The following MAF variants were observed in gnomAD, a reference collection of about 807,000 sequenced individuals.
MAF encodes MAF bZIP transcription factor.
A neutral mutation model predicts 22.0 loss-of-function variants in MAF; 10 were observed. The observed-to-expected ratio is 0.45, with a 90% CI of 0.28 to 0.77. The LOEUF is 0.77. Among genes scored for constraint, MAF ranks in the 30% least tolerant of loss-of-function variants. The pLI, the probability that MAF is intolerant of heterozygous loss-of-function variation, is 0.12. For missense variants in MAF, 544 were observed against 548.4 expected (o/e 0.99, Z 0.08); for synonymous variants, 337 against 255.8 (o/e 1.32, Z -3.03).
the MAF span, among the ~76,000 whole-genome samples, chr16:79,542,073 T>C: frequency 1.3e-5 from 2 of 152,222 alleles, no homozygotes; most frequent in African/African-American, 2.4e-5. Flanking sequence ...CCAGTTCTCC[T>C]GACTCCAAGC....
chr16:79,357,484 C>A, the MAF span, among the ~76,000 whole-genome samples: 1 of 152,018 alleles, frequency 6.6e-6, no homozygotes. Flanking sequence ...TTTTTGGGTC[C>A]CTGAAAGTCT....
At chr16:79,410,551 G>A in the MAF span, among the ~76,000 whole-genome samples, 1 of 152,174 alleles carries the variant, frequency 6.6e-6, no homozygotes, top group Non-Finnish European at 1.5e-5. Flanking sequence ...ATATGTGGAA[G>A]GAAATACAAA....
intron 1 of MAF, among the ~76,000 whole-genome samples, chr16:79,587,737 A>G (rs1489506869): frequency 6.6e-6 from 1 of 151,890 alleles, no homozygotes; most frequent in Non-Finnish European, 1.5e-5. Flanking sequence ...TAAATGCGAT[A>G]TTTGGCATCT....
the MAF span, among the ~76,000 whole-genome samples, chr16:79,339,634 G>T: frequency 0.013 from 1,903 of 152,226 alleles, 41 homozygotes; most frequent in African/African-American, 0.044. Context: ...ATTAATATCA[G>T]TCATATAGTG....
At chr16:79,216,873 G>C in the MAF span, among the ~76,000 whole-genome samples, 128 of 150,650 alleles carry the variant, frequency 8.5e-4, no homozygotes, top group African/African-American at 2.9e-3. Context: ...GCAGCGGCAC[G>C]ATCTTTGCTC....
the MAF span, among the ~76,000 whole-genome samples, chr16:79,578,811 C>G: frequency 1.3e-5 from 2 of 152,104 alleles, no homozygotes; most frequent in Non-Finnish European, 2.9e-5. Flanking sequence ...CGACCAGCAG[C>G]AAAATGGGAA....
the MAF span, among the ~76,000 whole-genome samples, chr16:79,408,025 G>T: frequency 2.3e-5 from 3 of 131,486 alleles, no homozygotes; most frequent in Non-Finnish European, 4.6e-5. Context: ...ATGAAGAGGC[G>T]GGCGCCATAA....
chr16:79,504,371 T>C, the MAF span, among the ~76,000 whole-genome samples: 10 of 152,226 alleles, frequency 6.6e-5, no homozygotes, highest in Non-Finnish European at 1.3e-4. Context: ...GCTTTGGAGA[T>C]AGTAAGAATG....
At chr16:79,418,850 G>A in the MAF span, among the ~76,000 whole-genome samples, 1 of 152,178 alleles carries the variant, frequency 6.6e-6, no homozygotes, top group African/African-American at 2.4e-5. Context: ...GGGTGGAGCT[G>A]CAGGCCCCAA....
chr16:79,224,176 T>G, the MAF span, among the ~76,000 whole-genome samples: 3 of 152,158 alleles, frequency 2.0e-5, no homozygotes, highest in Non-Finnish European at 4.4e-5. Flanking sequence ...TCGAGTCAGT[T>G]TTATCCCTGG....
chr16:79,244,200 C>G, the MAF span, among the ~76,000 whole-genome samples: 10 of 151,884 alleles, frequency 6.6e-5, no homozygotes, highest in Non-Finnish European at 1.3e-4. Context: ...AACACAGTAT[C>G]GGAAGTTCTG....
At chr16:79,211,942 T>C in the MAF span, 1 of 1,537,210 alleles carries the variant, frequency 6.5e-7, no homozygotes, top group Non-Finnish European at 8.7e-7. Context: ...GAGTGAAAAA[T>C]CTTAAGTACC....
At chr16:79,298,264 A>T in the MAF span, among the ~76,000 whole-genome samples, 1 of 152,352 alleles carries the variant, frequency 6.6e-6, no homozygotes, top group Non-Finnish European at 1.5e-5. Context: ...GGAAAAGAGC[A>T]GCCCTCCTCA....
At chr16:79,480,068 G>C in the MAF span, among the ~76,000 whole-genome samples, 14 of 152,292 alleles carry the variant, frequency 9.2e-5, no homozygotes, top group South Asian at 1.2e-3. Context: ...GCTCCAGGGT[G>C]TAAGATTAAT....
the MAF span, among the ~76,000 whole-genome samples, chr16:79,525,622 T>C: frequency 6.6e-6 from 1 of 152,204 alleles, no homozygotes; most frequent in Non-Finnish European, 1.5e-5. Context: ...GCGTACTTTT[T>C]ATTGCTAATG....
At chr16:79,573,595 C>T in the MAF span, among the ~76,000 whole-genome samples, 1 of 152,310 alleles carries the variant, frequency 6.6e-6, no homozygotes, top group South Asian at 2.1e-4. Context: ...TCTATATCCT[C>T]AGCACCATGT....
chr16:79,600,032 C>A lies in MAF; in HGVS notation c.-130G>T. 5 of 1,332,906 alleles carry A rather than the reference C, an allele frequency of 3.8e-6. No individual in the cohort carries two copies. The highest frequency in any genetic ancestry group is 5.1e-6 in the Non-Finnish European group (5 of 972,610). 82.6% of individuals were successfully genotyped at this position (1,332,906 alleles called of 1,614,324 possible). ...GCTGGGGCGCTTCTAGCTTGCGCGG[C>A]GGTGGCTGGCCCGAAACCTCCGAGC... On this transcript the variant is annotated 5_prime_UTR_variant, in exon 1 of 2. Transcript: ENST00000326043.
the MAF span, among the ~76,000 whole-genome samples, chr16:79,221,558 A>G: frequency 6.6e-6 from 1 of 152,230 alleles, no homozygotes; most frequent in Non-Finnish European, 1.5e-5. Context: ...TAAAATCACT[A>G]TGATCCTTAT....
chr16:79,365,815 C>T, the MAF span, among the ~76,000 whole-genome samples: 1 of 152,298 alleles, frequency 6.6e-6, no homozygotes, highest in South Asian at 2.1e-4. Context: ...CATGTTCCTT[C>T]AAAGTTATTC....
Sources: gnomAD v4.1 joint callset for allele counts (sites outside exome capture counted in the v4.1 genomes callset) on GRCh38, gnomAD v4.1.1 for gene constraint, MANE v1.5 for transcripts, NCBI Gene and HGNC (gene_info 2026-07-23, HGNC 2026-07-21) for gene names.